The following DPYSL3 variants were observed in gnomAD, a reference collection of about 807,000 sequenced individuals.
The protein encoded by DPYSL3 is dihydropyrimidinase-related protein 3.
DPYSL3 carries 16 observed loss-of-function variants against 66.1 expected under a neutral mutation model. That is an observed-to-expected ratio of 0.24 (90% CI 0.16 to 0.37). The LOEUF (loss-of-function observed/expected upper bound fraction) is 0.37, where lower values mean the gene tolerates loss of function less well. DPYSL3 is among the 10% of genes least tolerant of loss of function. The pLI, the probability that DPYSL3 is intolerant of heterozygous loss-of-function variation, is 1.00. For synonymous variants in DPYSL3, 338 were observed against 345.1 expected (o/e 0.98, Z 0.23); for missense variants, 738 against 916.2 (o/e 0.81, Z 2.51).
At position 147,397,807 on chromosome 5, in the gene DPYSL3, G is replaced by A. The variant is rs760432417; in HGVS notation, c.1662C>T (p.Arg554=). 8.1e-6 allele frequency: 13 copies of A among 1,613,610 alleles called. No homozygotes were observed. The highest frequency in any genetic ancestry group is 3.3e-5 in the Admixed American group (2 of 59,990). Residue 554 remains arginine, a synonymous_variant, in exon 12 of 14, where the codon CGC becomes CGT. Transcript: ENST00000343218. ...EYNIFEGMEL[R]GAPLVVICQG... ...GGCAGATGACAACCAGAGGAGCCCC[G>A]CGCAGCTCCATCCCTTCAAAGATGT...
intron 1 of DPYSL3, among the ~76,000 whole-genome samples, chr5:147,474,004 G>A (rs563279352): frequency 6.6e-6 from 1 of 152,198 alleles, no homozygotes; most frequent in South Asian, 2.1e-4. Flanking sequence ...GGCAAATTAT[G>A]AATTCTGGAC....
chr5:147,459,233 A>C (rs1752898323), intron 1 of DPYSL3, among the ~76,000 whole-genome samples: 1 of 152,138 alleles, frequency 6.6e-6, no homozygotes, highest in South Asian at 2.1e-4. Flanking sequence ...CTAAAAATAC[A>C]TTTATATGTT....
chr5:147,433,265 A>G (rs1752347182), intron 1 of DPYSL3, among the ~76,000 whole-genome samples: 1 of 152,148 alleles, frequency 6.6e-6, no homozygotes, highest in South Asian at 2.1e-4. Flanking sequence ...CAGTAGAAGG[A>G]TGAGATTACT....
rs565978359 is a variant in DPYSL3 at position 147,509,092 on chromosome 5, T to C, written c.381+386A>G. On this transcript the variant is annotated intron_variant, in intron 1 of 13. Coordinates refer to ENST00000343218, the MANE Select transcript of DPYSL3 (RefSeq NM_001197294.2). The surrounding 1 kb of genome is among the most constrained non-coding windows in gnomAD (Gnocchi z 5.3). The stretch of plus-strand genomic sequence containing the variant: ...TGGTGACCCGGGTTGAGATTTAATC[T>C]AGGGCCAGAGGGGGGCAAGACAATT... Among the ~76,000 whole-genome samples the C allele has an allele frequency of 2.6e-5, 4 of 152,090 alleles. No individual in the cohort carries two copies. The highest frequency in any genetic ancestry group is 5.9e-5 in the Non-Finnish European group (4 of 68,012).
chr5:147,423,778 T>C (rs935645437), intron 2 of DPYSL3, among the ~76,000 whole-genome samples: 2 of 152,150 alleles, frequency 1.3e-5, no homozygotes, highest in African/African-American at 4.8e-5. Context: ...TGGAGTGCAG[T>C]GGCGCCATCT....
At chr5:147,456,348 A>G (rs1752852254) in intron 1 of DPYSL3, among the ~76,000 whole-genome samples, 1 of 152,202 alleles carries the variant, frequency 6.6e-6, no homozygotes, top group African/African-American at 2.4e-5. Flanking sequence ...GGCTTTAGGT[A>G]TCTCAGTAAA....
At chr5:147,409,343 A>G (rs7720384) in intron 6 of DPYSL3, among the ~76,000 whole-genome samples, 2,967 of 152,294 alleles carry the variant, frequency 0.019, 94 homozygotes, top group African/African-American at 0.068. Context: ...CAGATTTCTC[A>G]CCCATCCTAG....
chr5:147,509,755 C>T lies in DPYSL3; in HGVS notation c.104G>A (p.Gly35Asp). The T allele has an allele frequency of 1.3e-6, 2 of 1,536,012 alleles. No homozygotes were observed. The highest frequency in any genetic ancestry group is 1.7e-6 in the Non-Finnish European group (2 of 1,146,816). Residue 35 changes from glycine to aspartate, a missense_variant, in exon 1 of 14, where the codon GGC becomes GAC. Gly to Asp is a moderately conservative substitution (Grantham distance 94). Transcript: ENST00000343218. This position sits in a 1 kb window ranked among gnomAD's most constrained non-coding sequence, Gnocchi z 5.3. ...TTDQVPRQKY[G>D]GMFCNVEGAF... ...GCCCTCCACGTTGCAGAACATGCCG[C>T]CGTATTTCTGCCGCGGGACCTGGTC...
At chr5:147,400,204 G>T (rs1337505262) in intron 10 of DPYSL3, among the ~76,000 whole-genome samples, 1 of 152,130 alleles carries the variant, frequency 6.6e-6, no homozygotes, top group Non-Finnish European at 1.5e-5. Flanking sequence ...AAATAAAACA[G>T]GCCACTTGCC....
At chr5:147,444,011 A>G (rs1259554138) in intron 1 of DPYSL3, among the ~76,000 whole-genome samples, 1 of 152,024 alleles carries the variant, frequency 6.6e-6, no homozygotes, top group Non-Finnish European at 1.5e-5. Flanking sequence ...CCCATAACCT[A>G]CACCACTCAT....
At chr5:147,500,470 C>T (rs192287839) in intron 1 of DPYSL3, among the ~76,000 whole-genome samples, 51 of 151,970 alleles carry the variant, frequency 3.4e-4, no homozygotes, top group African/African-American at 1.1e-3. Flanking sequence ...AAGAATTAGC[C>T]GGGCGTGGTT....
chr5:147,481,511 G>T (rs1184128209), intron 1 of DPYSL3, among the ~76,000 whole-genome samples: 1 of 152,140 alleles, frequency 6.6e-6, no homozygotes, highest in African/African-American at 2.4e-5. Flanking sequence ...GCTTTCTTTG[G>T]TTGCCCACAC....
rs1030587820 is a variant in DPYSL3, at chr5:147,509,030, G to C, written c.381+448C>G. 3.9e-5 allele frequency among the ~76,000 whole-genome samples: 6 copies of C among 152,164 alleles called. No homozygotes were observed. Among genetic ancestry groups the C allele is most frequent in the Non-Finnish European group, 8.8e-5 (6 of 68,026 alleles). ...ACTTTCATCCGGGCACTATGGAGAT[G>C]ACCCCCATATTCCCAGCATCACTTT... is the stretch of plus-strand genomic sequence containing the variant. On this transcript the variant is annotated intron_variant, in intron 1 of 13. Coordinates refer to ENST00000343218, the MANE Select transcript of DPYSL3 (RefSeq NM_001197294.2). This position sits in a 1 kb window ranked among gnomAD's most constrained non-coding sequence, Gnocchi z 5.3.
At position 147,509,790 on chromosome 5, in the gene DPYSL3, C is replaced by T. The variant is rs1406024089; in HGVS notation, c.69G>A (p.Pro23=). 6.5e-7 allele frequency: 1 copy of T among 1,535,994 alleles called. No individual in the cohort carries two copies. Among genetic ancestry groups the T allele is most frequent in the Non-Finnish European group, 8.7e-7 (1 of 1,146,802 alleles). Residue 23 remains proline, a synonymous_variant, in exon 1 of 14, where the codon CCG becomes CCA. Coordinates refer to ENST00000343218, the MANE Select transcript of DPYSL3 (RefSeq NM_001197294.2). This position sits in a 1 kb window ranked among gnomAD's most constrained non-coding sequence, Gnocchi z 5.3. ...GCCGCGGGACCTGGTCCGTGGTGCCCGGCCTGGCCAGGTACACGGGCAGAT... is the reference window on the plus strand; with the variant it reads ...GCCGCGGGACCTGGTCCGTGGTGCCTGGCCTGGCCAGGTACACGGGCAGAT... The part of the protein sequence containing the change: ...EDDLPVYLAR[P]GTTDQVPRQK...
intron 10 of DPYSL3, 75 bp downstream of exon 10, chr5:147,400,617 C>A: frequency 6.4e-7 from 1 of 1,559,048 alleles, no homozygotes; most frequent in Non-Finnish European, 8.7e-7. Context: ...ACCAGCCCAA[C>A]TGGTGGCAGG....
At chr5:147,395,806 C>G in intron 12 of DPYSL3, 85 bp from the exon 13 acceptor site, 1 of 1,503,308 alleles carries the variant, frequency 6.7e-7, no homozygotes, top group Non-Finnish European at 9.0e-7. Context: ...TTAGTGAATA[C>G]AGTGTGTGGT....
At chr5:147,442,314 T>C (rs1752547891) in intron 1 of DPYSL3, among the ~76,000 whole-genome samples, 1 of 152,160 alleles carries the variant, frequency 6.6e-6, no homozygotes, top group Admixed American at 6.5e-5. Context: ...CCTCTACAAA[T>C]GTCAACAGCC....
chr5:147,444,505 T>C (rs1173788772), intron 1 of DPYSL3, among the ~76,000 whole-genome samples: 2 of 152,216 alleles, frequency 1.3e-5, no homozygotes, highest in Non-Finnish European at 2.9e-5. Flanking sequence ...TTATATTATA[T>C]ATGACACTCT....
intron 1 of DPYSL3, among the ~76,000 whole-genome samples, chr5:147,477,881 C>T (rs879859582): frequency 5.7e-4 from 86 of 152,116 alleles, no homozygotes; most frequent in African/African-American, 1.8e-3. Flanking sequence ...CGCGCCCGGC[C>T]CTAAATCTTT....
Sources: allele counts gnomAD v4.1 joint callset (sites outside exome capture counted in the v4.1 genomes callset), GRCh38; gene constraint gnomAD v4.1.1; non-coding constraint Gnocchi (gnomAD v3.1); transcripts MANE v1.5; gene names NCBI Gene and HGNC (gene_info 2026-07-23, HGNC 2026-07-21).